RTF2: variants seen among roughly 807,000 people sequenced by gnomAD.
RTF2 encodes the protein replication termination factor 2.
In RTF2, 18 loss-of-function variants were observed where a neutral mutation model predicts 38.0. That is an observed-to-expected ratio of 0.47 (90% CI 0.33 to 0.70). RTF2 has a LOEUF of 0.70. RTF2 is among the 30% of genes least tolerant of loss of function. The pLI is 0.02. For synonymous variants in RTF2, 126 were observed against 137.1 expected, an observed-to-expected ratio of 0.92 and a Z score of 0.57; for missense variants, 311 against 379.6, an observed-to-expected ratio of 0.82 and a Z score of 1.50.
intron 5 of RTF2, among the ~76,000 whole-genome samples, chr20:56,504,574 C>T (rs2146359908): frequency 6.6e-6 from 1 of 152,342 alleles, no homozygotes; most frequent in South Asian, 2.1e-4. Flanking sequence ...GTGTCGCCCC[C>T]AAGGGTGAGT....
intron 3 of RTF2, 81 bp from the exon 4 acceptor site, chr20:56,476,904 C>A: frequency 1.4e-6 from 2 of 1,405,000 alleles, no homozygotes; most frequent in African/African-American, 1.4e-5. Context: ...GCTGGAATAA[C>A]AATTTGTTGA....
intron 5 of RTF2, among the ~76,000 whole-genome samples, chr20:56,508,913 A>T (rs1600830067): frequency 6.6e-6 from 1 of 152,218 alleles, no homozygotes; most frequent in Admixed American, 6.5e-5. Flanking sequence ...TTAGTTACAA[A>T]CCACTTAGGA....
At chr20:56,498,871 C>T (rs1006254424) in intron 5 of RTF2, among the ~76,000 whole-genome samples, 1 of 152,160 alleles carries the variant, frequency 6.6e-6, no homozygotes, top group Admixed American at 6.6e-5. Flanking sequence ...TCAGGTTGGA[C>T]ACTGGTCCCT....
chr20:56,484,377 T>C (rs1021428371), intron 5 of RTF2, among the ~76,000 whole-genome samples, 188 bp downstream of exon 5: 1 of 152,236 alleles, frequency 6.6e-6, no homozygotes, highest in African/African-American at 2.4e-5. Flanking sequence ...TGCCTGCCAG[T>C]CCAGGTCAGA....
intron 5 of RTF2, among the ~76,000 whole-genome samples, chr20:56,502,780 G>T (rs1216455512): frequency 6.6e-6 from 1 of 152,186 alleles, no homozygotes. Flanking sequence ...AAGGGTGGGG[G>T]TTGAGGGAGG....
At chr20:56,515,263 G>A (rs1189435082) in intron 6 of RTF2, among the ~76,000 whole-genome samples, 2 of 152,000 alleles carry the variant, frequency 1.3e-5, no homozygotes, top group Non-Finnish European at 2.9e-5. Context: ...CATTGATCAA[G>A]CTCAGTTTTA....
At chr20:56,502,203 G>T (rs1177965389) in intron 5 of RTF2, among the ~76,000 whole-genome samples, 2 of 152,276 alleles carry the variant, frequency 1.3e-5, no homozygotes, top group African/African-American at 4.8e-5. Flanking sequence ...TCCCGTTTAT[G>T]TAGTGCCAGA....
intron 6 of RTF2, among the ~76,000 whole-genome samples, chr20:56,514,577 A>G (rs1355715012): frequency 6.6e-6 from 1 of 152,158 alleles, no homozygotes; most frequent in East Asian, 1.9e-4. Context: ...GGGGTTTTTA[A>G]AAAATCATAA....
intron 5 of RTF2, among the ~76,000 whole-genome samples, chr20:56,501,404 T>C (rs139430507): frequency 2.8e-4 from 42 of 152,328 alleles, no homozygotes; most frequent in African/African-American, 1.0e-3. Flanking sequence ...TAGGTGCTAT[T>C]TTGTAAGTGC....
rs146206160 is a variant in RTF2 at position 56,491,867 on chromosome 20, C to T, written c.477+7678C>T. The stretch of plus-strand genomic sequence containing the variant: ...CACAGAAAGTGGCGCATGCTCCGTC[C>T]GGTGTCAGTGGTGAGCCTCAGCTTC... On this transcript the variant is annotated intron_variant, in intron 5 of 8. Transcript: ENST00000357348. 183 of 979,316 alleles carry T rather than the reference C, an allele frequency of 1.9e-4. No individual in the cohort carries two copies. The African/African-American group carries it at 2.5e-3, about 13-fold the overall frequency. 60.7% of individuals were successfully genotyped at this position (979,316 alleles called of 1,614,324 possible).
Position 56,490,352 on chromosome 20 carries a change from T to C in RTF2, c.477+6163T>C, listed in dbSNP as rs147832005. 4.9e-3 allele frequency among the ~76,000 whole-genome samples: 740 copies of C among 152,350 alleles called. 5 individuals are homozygous for C. Among genetic ancestry groups the C allele is most frequent in the African/African-American group, 0.017 (697 of 41,572 alleles). On this transcript the variant is annotated intron_variant, in intron 5 of 8. Transcript: ENST00000357348. Reference sequence around the variant, plus strand: ...TTCATATGATGCTGTATGAACTCTTTTAGAGAAGGAGGATATATATAAAGT... The same window carrying C: ...TTCATATGATGCTGTATGAACTCTTCTAGAGAAGGAGGATATATATAAAGT...
chr20:56,480,499 A>G (rs556292651), intron 4 of RTF2, among the ~76,000 whole-genome samples: 1 of 152,332 alleles, frequency 6.6e-6, no homozygotes, highest in East Asian at 1.9e-4. Context: ...TCATCTGTTT[A>G]TAGAGTGGCA....
intron 5 of RTF2, among the ~76,000 whole-genome samples, chr20:56,488,406 G>A (rs1243834057): frequency 6.6e-6 from 1 of 152,100 alleles, no homozygotes; most frequent in African/African-American, 2.4e-5. Flanking sequence ...GTGATCCGTA[G>A]CATTGGACTT....
chr20:56,508,722 A>G (rs1984438875), intron 5 of RTF2, among the ~76,000 whole-genome samples: 2 of 152,188 alleles, frequency 1.3e-5, no homozygotes, highest in Admixed American at 6.5e-5. Flanking sequence ...AAACCCTCAC[A>G]TGTATGGTCA....
intron 3 of RTF2, among the ~76,000 whole-genome samples, chr20:56,475,641 C>T (rs1385922255): frequency 2.0e-5 from 3 of 152,018 alleles, no homozygotes; most frequent in Non-Finnish European, 2.9e-5. Context: ...ATGTGATAAA[C>T]GATTCTTTAG....
At chr20:56,505,515 A>ATAATAATAATAG (rs1256956837) in intron 5 of RTF2, among the ~76,000 whole-genome samples, 3 of 150,040 alleles carry the variant, frequency 2.0e-5, no homozygotes, top group Admixed American at 2.0e-4. Flanking sequence ...AATAATAATA[A>ATAATAATAATAG]TATTTGCCCT....
intron 5 of RTF2, chr20:56,497,363 TA>T: frequency 6.4e-7 from 1 of 1,550,512 alleles, no homozygotes; most frequent in Non-Finnish European, 8.7e-7. Context: ...CTGGTGTGTG[TA>T]AATGAGCATG....
At chr20:56,512,705 G>A (rs1190160290) in intron 5 of RTF2, among the ~76,000 whole-genome samples, 1 of 152,184 alleles carries the variant, frequency 6.6e-6, no homozygotes, top group Non-Finnish European at 1.5e-5. Context: ...AACATTCACT[G>A]CAGCAGCGTG....
chr20:56,512,498 A>G (rs549896526), intron 5 of RTF2, among the ~76,000 whole-genome samples: 11 of 151,368 alleles, frequency 7.3e-5, no homozygotes, highest in African/African-American at 2.7e-4. Context: ...GAGGTGGCTC[A>G]CTCACTGACA....
Sources: allele counts gnomAD v4.1 joint callset (sites outside exome capture counted in the v4.1 genomes callset), GRCh38; gene constraint gnomAD v4.1.1; transcripts MANE v1.5; gene names NCBI Gene and HGNC (gene_info 2026-07-23, HGNC 2026-07-21).